NBEA: variants seen among roughly 807,000 people sequenced by gnomAD.
The protein encoded by NBEA is neurobeachin.
In NBEA, 44 loss-of-function variants were observed where a neutral mutation model predicts 343.4. The observed-to-expected ratio is 0.13, with a 90% confidence interval of 0.10 to 0.16. The LOEUF (loss-of-function observed/expected upper bound fraction) is 0.16, where lower values mean the gene tolerates loss of function less well. Among genes scored for constraint, NBEA ranks in the 10% least tolerant of loss-of-function variants. The pLI is 1.00. For missense variants in NBEA, 2,555 were observed against 3,631.3 expected, an observed-to-expected ratio of 0.70 and a Z score of 7.62; for synonymous variants, 1,175 against 1,238.7, an observed-to-expected ratio of 0.95 and a Z score of 1.08.
chr13:35,567,221 T>C (rs1031385972), intron 45 of NBEA, among the ~76,000 whole-genome samples: 14 of 152,148 alleles, frequency 9.2e-5, no homozygotes, highest in African/African-American at 3.4e-4. Flanking sequence ...ATAGGCAAAA[T>C]GAAATGGGTA....
intron 1 of NBEA, among the ~76,000 whole-genome samples, chr13:34,984,900 C>T (rs1206583159): frequency 6.6e-6 from 1 of 150,994 alleles, no homozygotes; most frequent in Non-Finnish European, 1.5e-5. Context: ...TATCCTGAGA[C>T]TTTGCTGAAG....
chr13:35,583,665 G>A (rs1464086567), intron 45 of NBEA, among the ~76,000 whole-genome samples: 2 of 152,026 alleles, frequency 1.3e-5, no homozygotes, highest in Non-Finnish European at 2.9e-5. Flanking sequence ...ACAAAAACTT[G>A]GTAAAGTCTA....
At chr13:35,195,677 A>G (rs1008144516) in intron 30 of NBEA, among the ~76,000 whole-genome samples, 187 bp from the exon 31 acceptor site, 4 of 152,130 alleles carry the variant, frequency 2.6e-5, no homozygotes, top group Non-Finnish European at 2.9e-5. Flanking sequence ...GGTTACAGGC[A>G]TGAGCCATCA....
At chr13:35,391,131 T>C (rs1228812505) in intron 38 of NBEA, among the ~76,000 whole-genome samples, 1 of 151,986 alleles carries the variant, frequency 6.6e-6, no homozygotes. Flanking sequence ...AAAAATTTGC[T>C]GGGCTTGATG....
chr13:35,274,697 C>A (rs748471216), intron 34 of NBEA, among the ~76,000 whole-genome samples: 6 of 152,150 alleles, frequency 3.9e-5, no homozygotes, highest in Non-Finnish European at 8.8e-5. Flanking sequence ...GCAAAAATCA[C>A]AAGCATTCCT....
intron 38 of NBEA, among the ~76,000 whole-genome samples, chr13:35,353,390 G>A (rs1038818104): frequency 1.3e-5 from 2 of 152,078 alleles, no homozygotes; most frequent in East Asian, 3.9e-4. Flanking sequence ...AGCCGAGATT[G>A]TGCCACAGAA....
intron 18 of NBEA, among the ~76,000 whole-genome samples, chr13:35,149,443 G>A (rs1470832083): frequency 6.6e-6 from 1 of 151,960 alleles, no homozygotes; most frequent in Non-Finnish European, 1.5e-5. Context: ...TAAATAATTT[G>A]CTGTATGTCA....
Position 35,191,005 on chromosome 13 carries a change from T to G in NBEA, c.4928-4859T>G, listed in dbSNP as rs1204796632. ...AAATTGTAATAACTGAAATGAAAAATTCACTTAGAGGGGTTCAGCAGAAGA... is the reference window on the plus strand; with the variant it reads ...AAATTGTAATAACTGAAATGAAAAAGTCACTTAGAGGGGTTCAGCAGAAGA... On this transcript the variant is annotated intron_variant, in intron 30 of 58. Coordinates refer to ENST00000379939, the MANE Select transcript of NBEA (RefSeq NM_001385012.1). Among the ~76,000 whole-genome samples, 3 of 152,000 alleles carry G rather than the reference T, an allele frequency of 2.0e-5. No homozygotes were observed. In the East Asian group the frequency reaches 5.8e-4, roughly 29 times the overall value.
intron 19 of NBEA, 47 bp from the exon 20 acceptor site, chr13:35,156,036 C>T: frequency 6.5e-7 from 1 of 1,544,300 alleles, no homozygotes; most frequent in Non-Finnish European, 8.7e-7. Context: ...TTGAGTTGAA[C>T]ATAGGATATG....
chr13:35,015,153 A>C (rs894385018), intron 1 of NBEA, among the ~76,000 whole-genome samples: 1 of 149,766 alleles, frequency 6.7e-6, no homozygotes, highest in Non-Finnish European at 1.5e-5. Flanking sequence ...ACAAAAAAAA[A>C]AAACCACACA....
intron 41 of NBEA, among the ~76,000 whole-genome samples, chr13:35,478,867 G>C (rs757334443): frequency 2.2e-4 from 34 of 152,244 alleles, no homozygotes; most frequent in Admixed American, 7.2e-4. Flanking sequence ...GCCGAGGACG[G>C]GGAGGCCCCA....
At chr13:35,251,473 C>G in intron 34 of NBEA, 1 of 1,065,806 alleles carries the variant, frequency 9.4e-7, no homozygotes, top group Non-Finnish European at 1.1e-6. Context: ...GAGCTGTTCC[C>G]CAAGCCAGGT....
chr13:34,963,720 AT>A (rs1009210650), intron 1 of NBEA, among the ~76,000 whole-genome samples: 2 of 148,700 alleles, frequency 1.3e-5, no homozygotes, highest in Non-Finnish European at 3.0e-5. Flanking sequence ...CCCCCGATAT[AT>A]TTTTATTCTC....
intron 1 of NBEA, among the ~76,000 whole-genome samples, chr13:34,972,076 A>G (rs2060015233): frequency 6.6e-6 from 1 of 151,924 alleles, no homozygotes. Flanking sequence ...GGCAGGGTAT[A>G]TGTGTTCAGG....
chr13:35,466,284 A>G (rs2075383592), intron 40 of NBEA, among the ~76,000 whole-genome samples: 1 of 152,244 alleles, frequency 6.6e-6, no homozygotes, highest in East Asian at 1.9e-4. Context: ...TCAAGAGGCC[A>G]ATTCCTGAAA....
intron 34 of NBEA, among the ~76,000 whole-genome samples, chr13:35,237,722 C>A (rs1008593785): frequency 3.3e-5 from 5 of 152,068 alleles, no homozygotes; most frequent in Admixed American, 3.3e-4. Context: ...AAAGAAAAAG[C>A]AATTACTCTT....
At chr13:35,529,442 G>A (rs2078148856) in intron 41 of NBEA, among the ~76,000 whole-genome samples, 1 of 152,186 alleles carries the variant, frequency 6.6e-6, no homozygotes, top group Admixed American at 6.5e-5. Flanking sequence ...TTTGGTTTCA[G>A]TGCCAATGCC....
Position 35,159,389 on chromosome 13 carries a change from A to T in NBEA, c.3218A>T (p.Asp1073Val). The T allele has an allele frequency of 1.2e-6, 2 of 1,613,482 alleles. No individual in the cohort carries two copies. Among genetic ancestry groups the T allele is most frequent in the Non-Finnish European group, 1.7e-6 (2 of 1,179,676 alleles). ...GAAGCAACAGAAGTAAAGCTCGATG[A>T]TATGGATTTATCACCGGAGACTTTA... ...KVEATEVKLD[D>V]MDLSPETLVG... Residue 1073 changes from aspartate (D) to valine (V), a missense_variant, in exon 22 of 59, where the codon GAT (aspartate) becomes GTT (valine). Asp to Val is a radical substitution (Grantham distance 152, BLOSUM62 -3). Around this residue, in one of 21 missense-constraint regions of NBEA, gnomAD observed 367 missense variants for 377.5 expected, o/e 0.97. Coordinates refer to ENST00000379939, the MANE Select transcript of NBEA (RefSeq NM_001385012.1).
chr13:35,020,442 G>A (rs2061797861), intron 1 of NBEA, among the ~76,000 whole-genome samples: 1 of 152,050 alleles, frequency 6.6e-6, no homozygotes, highest in Non-Finnish European at 1.5e-5. Context: ...GCTTTTAGAA[G>A]GCTATATTTT....
Sources: allele counts gnomAD v4.1 joint callset (sites outside exome capture counted in the v4.1 genomes callset), GRCh38; gene constraint gnomAD v4.1.1; regional missense constraint gnomAD v4.1.1; transcripts MANE v1.5; gene names NCBI Gene and HGNC (gene_info 2026-07-23, HGNC 2026-07-21).